Variants in BLTP3B observed in about 807,000 individuals in gnomAD.
BLTP3B encodes the protein UHRF1 (ICBP90) binding protein 1-like.
At chr12:100,121,726 A>G in the BLTP3B span, among the ~76,000 whole-genome samples, 1 of 151,484 alleles carries the variant, frequency 6.6e-6, no homozygotes, top group South Asian at 2.1e-4. Flanking sequence ...CTACTTGGGA[A>G]GCTGAGGCAG....
chr12:100,099,493 G>A, the BLTP3B span, among the ~76,000 whole-genome samples: 1 of 150,634 alleles, frequency 6.6e-6, no homozygotes, highest in Non-Finnish European at 1.5e-5. Context: ...ACACATGGTA[G>A]CTCATGCCTG....
the BLTP3B span, chr12:100,102,851 C>G: frequency 1.9e-6 from 3 of 1,588,876 alleles, no homozygotes; most frequent in Non-Finnish European, 2.6e-6. Context: ...ATTACTTTAT[C>G]CAGGGACTAA....
the BLTP3B span, among the ~76,000 whole-genome samples, chr12:100,134,701 G>A: frequency 6.6e-6 from 1 of 151,652 alleles, no homozygotes; most frequent in Non-Finnish European, 1.5e-5. Context: ...TGCTCCTCCT[G>A]CAGTCTTCTC....
the BLTP3B span, chr12:100,051,233 C>G: frequency 6.2e-7 from 1 of 1,607,214 alleles, no homozygotes; most frequent in Non-Finnish European, 8.5e-7. Context: ...TGAAATAACA[C>G]AAAAGTAAAT....
At chr12:100,124,376 G>A in the BLTP3B span, among the ~76,000 whole-genome samples, 3 of 152,110 alleles carry the variant, frequency 2.0e-5, no homozygotes, top group African/African-American at 4.8e-5. Flanking sequence ...GCTGAGGCAA[G>A]GAGGACTGCT....
chr12:100,048,230 C>T, the BLTP3B span: 8 of 1,542,532 alleles, frequency 5.2e-6, no homozygotes, highest in Non-Finnish European at 7.0e-6. Context: ...ATGTTTGTAG[C>T]ATTATTCAAT....
chr12:100,073,793 G>A, the BLTP3B span, among the ~76,000 whole-genome samples: 1 of 152,132 alleles, frequency 6.6e-6, no homozygotes, highest in Non-Finnish European at 1.5e-5. Context: ...AATAGGCAAA[G>A]AAAATGCTTT....
the BLTP3B span, among the ~76,000 whole-genome samples, chr12:100,124,965 TATATATATA>T: frequency 7.7e-4 from 92 of 118,742 alleles, no homozygotes; most frequent in African/African-American, 2.6e-3. Flanking sequence ...TATATATATA[TATATATATA>T]TATATTTATA....
At chr12:100,121,174 C>T in the BLTP3B span, among the ~76,000 whole-genome samples, 2 of 151,446 alleles carry the variant, frequency 1.3e-5, no homozygotes, top group African/African-American at 4.9e-5. Context: ...ATGGAGGAAC[C>T]CTGCCTCTAC....
the BLTP3B span, among the ~76,000 whole-genome samples, chr12:100,110,718 A>C: frequency 7.2e-5 from 11 of 152,168 alleles, no homozygotes; most frequent in East Asian, 1.5e-3. Flanking sequence ...AAGGAGGAAA[A>C]GGGGGTAGGG....
the BLTP3B span, among the ~76,000 whole-genome samples, chr12:100,117,471 T>C: frequency 2.0e-5 from 3 of 152,158 alleles, no homozygotes; most frequent in African/African-American, 7.2e-5. Flanking sequence ...GAACTTTTTA[T>C]TTATTTATTT....
chr12:100,134,017 A>G, the BLTP3B span, among the ~76,000 whole-genome samples: 13 of 152,216 alleles, frequency 8.5e-5, no homozygotes, highest in African/African-American at 3.1e-4. Flanking sequence ...ATAAAGAAAA[A>G]AACACAATAT....
chr12:100,060,317 A>G, the BLTP3B span, among the ~76,000 whole-genome samples: 1 of 152,186 alleles, frequency 6.6e-6, no homozygotes, highest in Non-Finnish European at 1.5e-5. Flanking sequence ...TTGAATATAT[A>G]AATTAATCTA....
At chr12:100,097,241 T>G in the BLTP3B span, 2 of 942,062 alleles carry the variant, frequency 2.1e-6, no homozygotes, top group Non-Finnish European at 3.0e-6. Context: ...ACTGGTAATA[T>G]GCCAATATTT....
At chr12:100,074,264 A>G in the BLTP3B span, among the ~76,000 whole-genome samples, 1 of 152,154 alleles carries the variant, frequency 6.6e-6, no homozygotes, top group African/African-American at 2.4e-5. Context: ...AACAGCAACA[A>G]CAAATCCTAG....
the BLTP3B span, chr12:100,103,973 T>C: frequency 6.3e-7 from 1 of 1,584,840 alleles, no homozygotes; most frequent in South Asian, 1.2e-5. Context: ...AAATTTTTAA[T>C]TTAAGATCAA....
the BLTP3B span, chr12:100,047,598 G>T: frequency 6.2e-7 from 1 of 1,613,420 alleles, no homozygotes; most frequent in Non-Finnish European, 8.5e-7. Flanking sequence ...AGTTACAGGA[G>T]CTGGTTCAAG....
chr12:100,117,296 C>T, the BLTP3B span, among the ~76,000 whole-genome samples: 3 of 152,122 alleles, frequency 2.0e-5, no homozygotes, highest in African/African-American at 4.8e-5. Context: ...AGGTTATCAA[C>T]GTCAACATCG....
the BLTP3B span, among the ~76,000 whole-genome samples, chr12:100,052,467 C>T: frequency 1.4e-4 from 21 of 152,072 alleles, no homozygotes; most frequent in South Asian, 4.2e-3. Flanking sequence ...AAGAGTTATC[C>T]TTAACCACTC....
Sources: allele counts gnomAD v4.1 joint callset (sites outside exome capture counted in the v4.1 genomes callset), GRCh38; gene constraint gnomAD v4.1.1; transcripts MANE v1.5; gene names NCBI Gene and HGNC (gene_info 2026-07-23, HGNC 2026-07-21).